The following A2ML1 variants were observed in gnomAD, a reference collection of about 807,000 sequenced individuals.
The protein encoded by A2ML1 is alpha-2-macroglobulin like 1, also known as alpha-2-macroglobulin-like protein 1.
A2ML1 carries 161 observed loss-of-function variants against 181.9 expected under a neutral mutation model. That is an observed-to-expected ratio of 0.89 (90% CI 0.78 to 1.01). The LOEUF (loss-of-function observed/expected upper bound fraction) is 1.01. Ranked by LOEUF, A2ML1 falls within the 50% of genes least tolerant of loss-of-function variation. A2ML1 has a pLI of 0.00. For missense variants in A2ML1, 1,670 were observed against 1,768.1 expected (o/e 0.94, Z 1.00); for synonymous variants, 663 against 666.8 (o/e 0.99, Z 0.09).
At chr12:8,837,142 C>G (rs1592113772) in intron 7 of A2ML1, among the ~76,000 whole-genome samples, 1 of 152,122 alleles carries the variant, frequency 6.6e-6, no homozygotes, top group East Asian at 1.9e-4. Context: ...CCTCTTCCTC[C>G]CGGAGAAGCT....
In A2ML1 at chr12:8,863,200, G is replaced by T. The variant is rs112265896; in HGVS notation, c.3503-594G>T. Reference sequence around the variant, plus strand: ...CAGTTCACCGCAACCTCCACCTCCCGGGTTCAAATGATTCTCCTGCCTCAG... The same window carrying T: ...CAGTTCACCGCAACCTCCACCTCCCTGGTTCAAATGATTCTCCTGCCTCAG... On this transcript the variant is annotated intron_variant, in intron 28 of 35. Transcript: ENST00000299698. 5.4e-4 allele frequency among the ~76,000 whole-genome samples: 82 copies of T among 151,900 alleles called. 1 individual carries two copies. The highest frequency in any genetic ancestry group is 1.8e-3 in the African/African-American group (74 of 41,390).
chr12:8,864,085 C>A, intron 29 of A2ML1, 77 bp downstream of exon 29: 1 of 1,380,428 alleles, frequency 7.2e-7, no homozygotes, highest in Non-Finnish European at 1.0e-6. Flanking sequence ...AACATATTGT[C>A]CTTGCCTTCT....
chr12:8,862,729 C>T (rs942399332), intron 28 of A2ML1, among the ~76,000 whole-genome samples: 8 of 151,856 alleles, frequency 5.3e-5, no homozygotes, highest in African/African-American at 7.3e-5. Context: ...AATGTGTGTC[C>T]GAGACAATGG....
At position 8,823,890 on chromosome 12, in the gene A2ML1, T is replaced by C. The variant is rs775566965; in HGVS notation, c.409+8T>C. Reference sequence around the variant, plus strand: ...ACACCCCAGGGCAGCAAGGTAAGAGTCACATATTTGGGGTTCGACTAAAAC... The same window carrying C: ...ACACCCCAGGGCAGCAAGGTAAGAGCCACATATTTGGGGTTCGACTAAAAC... On this transcript the variant is annotated splice_region_variant and intron_variant, in intron 3 of 35. Transcript: ENST00000299698. 1 of 1,606,374 alleles carries C rather than the reference T, an allele frequency of 6.2e-7. No homozygotes were observed. Among genetic ancestry groups the C allele is most frequent in the Non-Finnish European group, 8.5e-7 (1 of 1,175,868 alleles).
chr12:8,843,711 C>CT (rs951831310), intron 12 of A2ML1, among the ~76,000 whole-genome samples: 35 of 139,374 alleles, frequency 2.5e-4, no homozygotes, highest in African/African-American at 2.0e-4. Context: ...TTCAATATTC[C>CT]TTTTTTTTTC....
chr12:8,835,734 C>T (rs1425236422), intron 6 of A2ML1, 68 bp downstream of exon 6: 138 of 1,589,648 alleles, frequency 8.7e-5, no homozygotes, highest in Non-Finnish European at 1.1e-4. Flanking sequence ...AAAGGTGGAG[C>T]CGGGCGCAGT....
intron 12 of A2ML1, among the ~76,000 whole-genome samples, chr12:8,843,918 C>T (rs1419763227): frequency 6.6e-6 from 1 of 152,064 alleles, no homozygotes; most frequent in African/African-American, 2.4e-5. Flanking sequence ...GACGGGGTTT[C>T]ACCATGTTAA....
At chr12:8,877,408 AG>A (rs1427792830), downstream of A2ML1, among the ~76,000 whole-genome samples, 1 of 152,228 alleles carries the variant, frequency 6.6e-6, no homozygotes, top group African/African-American at 2.4e-5. Context: ...GACAGCCTAA[AG>A]AATAGGAGAA....
intron 29 of A2ML1, 125 bp downstream of exon 29, chr12:8,864,133 A>G (rs2136944680): frequency 1.3e-6 from 1 of 785,420 alleles, no homozygotes; most frequent in Non-Finnish European, 2.0e-6. Context: ...GCCTGTGAAC[A>G]ATATATGGAA....
At chr12:8,822,793 G>C (rs1451174731) in intron 1 of A2ML1, 80 bp downstream of exon 1, 9 of 1,354,070 alleles carry the variant, frequency 6.6e-6, no homozygotes, top group Non-Finnish European at 9.5e-6. Flanking sequence ...TATGGAGATG[G>C]GGAGATCAAC....
At position 8,857,187 on chromosome 12, in the gene A2ML1, C is replaced by A. The variant is rs759945941; in HGVS notation, c.2872C>A (p.Gln958Lys). 9 of 1,612,548 alleles carry A rather than the reference C, an allele frequency of 5.6e-6. No homozygotes were observed. In the South Asian group the frequency reaches 9.9e-5, roughly 18 times the overall value. ...AGGAGACATTATGGGCACAGCCCTG[C>A]AGAACCTGGATGGTCTGGTGCAGAT... is the stretch of plus-strand genomic sequence containing the variant. ...VLGDIMGTAL[Q>K]NLDGLVQMPS... Residue 958 changes from glutamine (Q) to lysine (K), a missense_variant, in exon 24 of 36, where the codon CAG becomes AAG. Transcript: ENST00000299698.
chr12:8,868,421 CT>C, intron 31 of A2ML1, 64 bp downstream of exon 31: 1 of 1,597,512 alleles, frequency 6.3e-7, no homozygotes, highest in Non-Finnish European at 8.5e-7. Context: ...AGCTGGGACA[CT>C]TGTGTGTGTG....
chr12:8,868,083 C>T (rs772084146), intron 30 of A2ML1, 26 bp downstream of exon 30: 59 of 1,611,514 alleles, frequency 3.7e-5, no homozygotes, highest in Non-Finnish European at 3.4e-5. Flanking sequence ...TGAGAATGAG[C>T]GGACATTGGG....
downstream of A2ML1, among the ~76,000 whole-genome samples, chr12:8,879,423 G>A (rs914404834): frequency 2.6e-5 from 4 of 152,102 alleles, no homozygotes; most frequent in Non-Finnish European, 4.4e-5. Flanking sequence ...CCCGGGAGGC[G>A]GAGGTTGCAG....
chr12:8,844,632 G>A (rs796119562), intron 12 of A2ML1, among the ~76,000 whole-genome samples: 73 of 151,926 alleles, frequency 4.8e-4, no homozygotes, highest in African/African-American at 1.7e-3. Context: ...CCTCCTGTCA[G>A]TCTATGAGAG....
In A2ML1 at chr12:8,850,314, A is replaced by T. The variant is rs369866271; in HGVS notation, c.2234+40A>T. ...AAAAGTACAGTAAAGGGCCAGGTGC[A>T]TGGCTCACGCCTGTAATCCCAACAC... is the stretch of plus-strand genomic sequence containing the variant. On this transcript the variant is annotated intron_variant, in intron 18 of 35. Transcript: ENST00000299698. 9.9e-6 allele frequency: 15 copies of T among 1,510,450 alleles called. No individual in the cohort carries two copies. The East Asian group carries it at 3.2e-4, about 32-fold the overall frequency. 93.6% of individuals were successfully genotyped at this position (1,510,450 alleles called of 1,614,324 possible). A position where few individuals can be genotyped will look rare whatever the true frequency, so the allele number is the denominator to read the frequency against.
intron 3 of A2ML1, 109 bp downstream of exon 3, chr12:8,823,991 A>G (rs1942838248): frequency 1.5e-6 from 2 of 1,297,956 alleles, no homozygotes; most frequent in Non-Finnish European, 2.1e-6. Flanking sequence ...AAAGGAGTGC[A>G]GAGGAGAGGA....
In A2ML1 at chr12:8,823,848, G is replaced by T. The variant is rs377484849; in HGVS notation, c.375G>T (p.Gln125His). The stretch of plus-strand genomic sequence containing the variant: ...GGCAGGGGAACGGCACCTTTGTACA[G>T]ACTGACAAACCTCTCTACACCCCAG... The part of the protein sequence containing the change: ...IQRQGNGTFV[Q>H]TDKPLYTPGQ... The change falls in exon 3 of 36, where the codon CAG becomes CAT. Residue 125 changes from glutamine (Q) to histidine (H), a missense_variant. By Grantham distance (24) the Gln-to-His change is conservative. Coordinates refer to ENST00000299698, the MANE Select transcript of A2ML1 (RefSeq NM_144670.6). 9.9e-6 allele frequency: 16 copies of T among 1,613,744 alleles called. No homozygotes were observed. The African/African-American group carries it at 1.7e-4, about 17-fold the overall frequency.
At chr12:8,842,407 G>A (rs1943517505) in intron 11 of A2ML1, among the ~76,000 whole-genome samples, 1 of 151,700 alleles carries the variant, frequency 6.6e-6, no homozygotes, top group Non-Finnish European at 1.5e-5. Flanking sequence ...TTTTAGTAGA[G>A]ATGGGGTTTC....
Sources: gnomAD v4.1 joint callset for allele counts (sites outside exome capture counted in the v4.1 genomes callset) on GRCh38, gnomAD v4.1.1 for gene constraint, MANE v1.5 for transcripts, NCBI Gene and HGNC (gene_info 2026-07-23, HGNC 2026-07-21) for gene names.